The following CABIN1 variants were observed in gnomAD, a reference collection of about 807,000 sequenced individuals.
CABIN1 encodes the protein calcineurin binding protein 1, also known as calcineurin-binding protein cabin-1.
A neutral mutation model predicts 227.7 loss-of-function variants in CABIN1; 133 were observed. The ratio of observed to expected loss-of-function variants is 0.58; its 90% confidence interval spans 0.51 to 0.67. CABIN1 has a LOEUF of 0.67. Ranked by LOEUF, CABIN1 falls within the 30% of genes least tolerant of loss-of-function variation. The pLI is 0.00. For missense variants in CABIN1, 2,408 were observed against 2,852.5 expected (o/e 0.84, Z 3.55); for synonymous variants, 1,086 against 1,155.1 (o/e 0.94, Z 1.21).
Position 24,171,949 on chromosome 22 carries a change from G to A in CABIN1, c.5994G>A (p.Arg1998=). 3.1e-6 allele frequency: 5 copies of A among 1,613,488 alleles called. No individual in the cohort carries two copies. Among genetic ancestry groups the A allele is most frequent in the Non-Finnish European group, 4.2e-6 (5 of 1,180,030 alleles). Residue 1998 remains arginine, a synonymous_variant, in exon 34 of 37, where the codon CGG becomes CGA. Transcript: ENST00000263119. ...LDQSKDPGPP[R]PHRPEATPSM... is the part of the protein sequence containing the mutation. ...AGTCCAAGGACCCTGGGCCTCCCCG[G>A]CCACACAGGCCTGAAGCTACCCCCA... is the stretch of plus-strand genomic sequence containing the variant.
chr22:24,073,992 A>G (rs1165172365), intron 18 of CABIN1, among the ~76,000 whole-genome samples: 2 of 138,124 alleles, frequency 1.4e-5, no homozygotes, highest in Non-Finnish European at 3.1e-5. Flanking sequence ...TGAACACCTC[A>G]TTCATGCCTT....
chr22:24,094,142 A>G (rs1406777914), intron 24 of CABIN1, among the ~76,000 whole-genome samples: 1 of 152,218 alleles, frequency 6.6e-6, no homozygotes, highest in Non-Finnish European at 1.5e-5. Flanking sequence ...AGTCACCTGC[A>G]GGAACAGAGA....
chr22:24,170,708 A>C lies in CABIN1; in HGVS notation c.5758-1005A>C, dbSNP rs527359686. Among the ~76,000 whole-genome samples, 7 of 151,886 alleles carry C rather than the reference A, an allele frequency of 4.6e-5. 1 individual carries two copies. The highest frequency in any genetic ancestry group is 8.8e-5 in the Non-Finnish European group (6 of 67,984). ...GAATTGAGGAACAGGGCATTTTAGC[A>C]AAACCAATGTCAGAAGAGACAGGGT... On this transcript the variant is annotated intron_variant, in intron 33 of 36. Transcript: ENST00000263119.
chr22:24,161,872 T>C (rs2046175806), intron 29 of CABIN1, among the ~76,000 whole-genome samples: 1 of 151,910 alleles, frequency 6.6e-6, no homozygotes, highest in Non-Finnish European at 1.5e-5. Context: ...CTTGTACCTG[T>C]CCCACTCCAG....
In CABIN1 at chr22:24,167,199, C is replaced by T. The variant is rs756569783; in HGVS notation, c.5568C>T (p.Gly1856=). ...KRKLLEDTES[G]KTLLLDAYRV... ...AGCTCCTGGAGGACACAGAGTCAGGCAAGACACTTCTGTTGGATGCCTACC... is the reference window on the plus strand; with the variant it reads ...AGCTCCTGGAGGACACAGAGTCAGGTAAGACACTTCTGTTGGATGCCTACC... Residue 1856 remains glycine (G), a synonymous_variant, in exon 32 of 37, where the codon GGC becomes GGT. Transcript: ENST00000263119. 1 of 1,612,274 alleles carries T rather than the reference C, an allele frequency of 6.2e-7. No individual in the cohort carries two copies. The highest frequency in any genetic ancestry group is 8.5e-7 in the Non-Finnish European group (1 of 1,179,848).
At position 24,058,065 on chromosome 22, in the gene CABIN1, C is replaced by T. The variant is rs5760194; in HGVS notation, c.1263-1162C>T. Among the ~76,000 whole-genome samples, 214 of 152,030 alleles carry T rather than the reference C, an allele frequency of 1.4e-3. 3 individuals carry two copies. The East Asian group carries it at 0.033, about 24-fold the overall frequency. On this transcript the variant is annotated intron_variant, in intron 10 of 36. Transcript: ENST00000263119. ...ATTTTTGTTAGAGATGGGGTCTTGC[C>T]CTGTTGCCTAGGCTGGAGTACAGTG...
At chr22:24,101,605 C>T (rs1198048857) in intron 26 of CABIN1, 2 of 152,286 alleles carry the variant, frequency 1.3e-5, no homozygotes, top group African/African-American at 4.8e-5. Context: ...AAGCTTTGTC[C>T]TCTGCTGTGC....
At chr22:24,163,266 C>G (rs1424243592) in intron 29 of CABIN1, among the ~76,000 whole-genome samples, 1 of 152,166 alleles carries the variant, frequency 6.6e-6, no homozygotes, top group African/African-American at 2.4e-5. Flanking sequence ...TTAAACTCCT[C>G]TCAGGCCTTA....
At chr22:24,152,704 C>G (rs2045555956) in intron 29 of CABIN1, among the ~76,000 whole-genome samples, 1 of 152,058 alleles carries the variant, frequency 6.6e-6, no homozygotes, top group South Asian at 2.1e-4. Flanking sequence ...AATCCCAGCA[C>G]TTTGGGAGGC....
intron 24 of CABIN1, among the ~76,000 whole-genome samples, chr22:24,093,252 C>CA (rs752889535): frequency 5.9e-5 from 9 of 152,216 alleles, no homozygotes; most frequent in Non-Finnish European, 1.2e-4. Context: ...TGTGAGCAAA[C>CA]AAAAATGTCT....
intron 28 of CABIN1, among the ~76,000 whole-genome samples, chr22:24,128,119 C>G (rs889719499): frequency 2.8e-4 from 42 of 152,282 alleles, no homozygotes; most frequent in African/African-American, 9.9e-4. Context: ...GTCTCCCTCC[C>G]CAGGCAACTC....
At chr22:24,014,250 T>A (rs544161141) in intron 1 of CABIN1, among the ~76,000 whole-genome samples, 1 of 152,338 alleles carries the variant, frequency 6.6e-6, no homozygotes, top group South Asian at 2.1e-4. Flanking sequence ...CCTCTCTCTC[T>A]TTTATTTATT....
At chr22:24,027,143 G>T (rs974583633) in intron 1 of CABIN1, among the ~76,000 whole-genome samples, 2 of 152,094 alleles carry the variant, frequency 1.3e-5, no homozygotes, top group African/African-American at 4.8e-5. Context: ...TATTGTAAAT[G>T]ATATTCTTTT....
intron 28 of CABIN1, among the ~76,000 whole-genome samples, chr22:24,121,726 C>T (rs1023612339): frequency 1.3e-5 from 2 of 152,210 alleles, no homozygotes; most frequent in Non-Finnish European, 2.9e-5. Context: ...GCAGAGCCCA[C>T]TGCAAGAGCC....
At chr22:24,060,162 G>T (rs749306829) in intron 12 of CABIN1, 21 bp downstream of exon 12, 25 of 1,606,548 alleles carry the variant, frequency 1.6e-5, no homozygotes, top group Non-Finnish European at 2.0e-5. Flanking sequence ...GCCTCTCAAG[G>T]GCTGGTATTG....
chr22:24,055,126 A>G lies in CABIN1; in HGVS notation c.1060A>G (p.Ser354Gly). ...SVATTSFPLH[S>G]PGLLETGAPV... Reference sequence around the variant, plus strand: ...GGCTACAACCAGCTTCCCACTGCACAGTCCTGGTCTGTTGGAGACAGGCGC... The same window carrying G: ...GGCTACAACCAGCTTCCCACTGCACGGTCCTGGTCTGTTGGAGACAGGCGC... The change falls in exon 9 of 37, where the codon AGT becomes GGT. Residue 354 changes from serine to glycine, a missense_variant. Coordinates refer to ENST00000263119, the MANE Select transcript of CABIN1 (RefSeq NM_012295.4). The G allele has an allele frequency of 1.9e-6, 3 of 1,613,654 alleles. No individual in the cohort carries two copies. The highest frequency in any genetic ancestry group is 1.1e-5 in the South Asian group (1 of 91,086).
intron 1 of CABIN1, among the ~76,000 whole-genome samples, chr22:24,019,476 A>G (rs551933739): frequency 5.3e-5 from 8 of 150,942 alleles, no homozygotes; most frequent in South Asian, 2.1e-4. Flanking sequence ...GATGGTCTCG[A>G]ACTGCTGACC....
chr22:24,052,039 T>G (rs763441111), intron 8 of CABIN1, among the ~76,000 whole-genome samples: 1 of 152,122 alleles, frequency 6.6e-6, no homozygotes, highest in Non-Finnish European at 1.5e-5. Context: ...AGAGTCCTTC[T>G]CCCATCTGAG....
chr22:24,177,843 C>T lies in CABIN1; in HGVS notation c.6519+26C>T. The T allele has an allele frequency of 6.3e-7, 1 of 1,594,378 alleles. No individual in the cohort carries two copies. Among genetic ancestry groups the T allele is most frequent in the Non-Finnish European group, 8.6e-7 (1 of 1,166,434 alleles). On this transcript the variant is annotated intron_variant, in intron 36 of 36. Transcript: ENST00000263119. The surrounding 1 kb of genome is among the most constrained non-coding windows in gnomAD (Gnocchi z 4.4). ...GTGACCTCAGGGGCTGGGCTGGAGC[C>T]ATGTGTGGGTGGGAGGCATAGGTTA...
Sources: gnomAD v4.1 joint callset for allele counts (sites outside exome capture counted in the v4.1 genomes callset) on GRCh38, gnomAD v4.1.1 for gene constraint, Gnocchi (gnomAD v3.1) non-coding constraint, MANE v1.5 for transcripts, NCBI Gene and HGNC (gene_info 2026-07-23, HGNC 2026-07-21) for gene names.